CCNA1: variants seen among roughly 807,000 people sequenced by gnomAD.
CCNA1 encodes the protein cyclin-A1.
CCNA1 carries 23 observed loss-of-function variants against 54.1 expected under a neutral mutation model. That is an observed-to-expected ratio of 0.42 (90% confidence interval 0.31 to 0.60). CCNA1 has a LOEUF of 0.60. Among genes scored for constraint, CCNA1 ranks in the 20% least tolerant of loss-of-function variants. The pLI is 0.14. For missense variants in CCNA1, 450 were observed against 556.7 expected, an observed-to-expected ratio of 0.81 and a Z score of 1.93; for synonymous variants, 208 against 213.9, an observed-to-expected ratio of 0.97 and a Z score of 0.24.
intron 2 of CCNA1, among the ~76,000 whole-genome samples, chr13:36,437,064 G>A (rs1008789649): frequency 6.6e-6 from 1 of 152,202 alleles, no homozygotes; most frequent in African/African-American, 2.4e-5. Context: ...TTCCCCAAGA[G>A]TAAATGCATT....
chr13:36,435,259 A>G (rs1218428959), intron 2 of CCNA1, among the ~76,000 whole-genome samples: 1 of 152,224 alleles, frequency 6.6e-6, no homozygotes, highest in Non-Finnish European at 1.5e-5. Context: ...ATCTTGACAT[A>G]TATAATGTTG....
chr13:36,433,367 TTA>T (rs763920759), intron 2 of CCNA1, 146 bp downstream of exon 2: 5 of 356,620 alleles, frequency 1.4e-5, no homozygotes, highest in East Asian at 9.9e-5. Context: ...GTTGATTGAT[TTA>T]TTTTCTTTCT....
chr13:36,437,454 G>C (rs187919387), intron 2 of CCNA1, among the ~76,000 whole-genome samples, 175 bp from the exon 3 acceptor site: 37 of 152,184 alleles, frequency 2.4e-4, no homozygotes, highest in African/African-American at 6.5e-4. Flanking sequence ...CAAAGATAAG[G>C]GGGGAAAAAT....
Position 36,432,579 on chromosome 13 carries a change from G to A in CCNA1, c.-43G>A, listed in dbSNP as rs370767056. The A allele has an allele frequency of 5.6e-5, 74 of 1,314,822 alleles. No homozygotes were observed. The African/African-American group carries it at 1.0e-3, about 18-fold the overall frequency. 81.4% of individuals were successfully genotyped at this position (1,314,822 alleles called of 1,614,324 possible). A position where few individuals can be genotyped will look rare whatever the true frequency, so the allele number is the denominator to read the frequency against. ...AGGCAGGTTTTGGGGCCTCCTGTCT[G>A]GTGGGAGGAGGCCGCAGCGCAGCAC... On this transcript the variant is annotated 5_prime_UTR_variant, in exon 1 of 9. Coordinates refer to ENST00000255465, the MANE Select transcript of CCNA1 (RefSeq NM_003914.4).
chr13:36,432,297 C>T, upstream of CCNA1: 2 of 302,996 alleles, frequency 6.6e-6, 1 homozygote, highest in Middle Eastern at 1.9e-3. Context: ...GCAGCTCAGC[C>T]GCATCGCTAA....
intron 2 of CCNA1, among the ~76,000 whole-genome samples, chr13:36,436,317 T>C (rs2055804733): frequency 6.6e-6 from 1 of 152,216 alleles, no homozygotes; most frequent in Non-Finnish European, 1.5e-5. Context: ...ATTGGCCTCT[T>C]TTTTCTTTCT....
chr13:36,439,957 C>T, intron 5 of CCNA1, 22 bp from the exon 6 acceptor site: 1 of 1,561,160 alleles, frequency 6.4e-7, no homozygotes, highest in Non-Finnish European at 8.8e-7. Context: ...AGTTTTACTT[C>T]TGAAAACTCT....
intron 1 of CCNA1, 141 bp from the exon 2 acceptor site, chr13:36,432,892 C>A: frequency 3.0e-6 from 3 of 995,318 alleles, no homozygotes; most frequent in South Asian, 1.5e-5. Context: ...GCCCTTTCAG[C>A]CCCAATAATT....
chr13:36,435,483 G>C (rs1243760057), intron 2 of CCNA1, among the ~76,000 whole-genome samples: 2 of 152,178 alleles, frequency 1.3e-5, no homozygotes, highest in Non-Finnish European at 2.9e-5. Flanking sequence ...TATTTGACAT[G>C]GCTGATCATT....
chr13:36,440,186 G>T lies in CCNA1; in HGVS notation c.1098+3G>T, dbSNP rs1215105255. On this transcript the variant is annotated splice_donor_region_variant and intron_variant, in intron 6 of 8. Coordinates refer to ENST00000255465, the MANE Select transcript of CCNA1 (RefSeq NM_003914.4). Reference sequence around the variant, plus strand: ...TCAGGACTGAGAACCTGGCTAAGGTGTGTATGCCGCGTGATTTCTAGGAAC... The same window carrying T: ...TCAGGACTGAGAACCTGGCTAAGGTTTGTATGCCGCGTGATTTCTAGGAAC... 1 of 1,612,890 alleles carries T rather than the reference G, an allele frequency of 6.2e-7. No individual in the cohort carries two copies. Among genetic ancestry groups the T allele is most frequent in the Non-Finnish European group, 8.5e-7 (1 of 1,179,020 alleles).
chr13:36,437,641 A>G lies in CCNA1; in HGVS notation c.310A>G (p.Ile104Val), dbSNP rs756797263. The change falls in exon 3 of 9, where the codon ATC becomes GTC. Residue 104 changes from isoleucine (I) to valine (V), a missense_variant. Physicochemically the swap from Ile to Val is conservative, Grantham distance 29. Around this residue, in one of 6 missense-constraint regions of CCNA1, gnomAD observed 19 missense variants for 40.5 expected, o/e 0.47. Coordinates refer to ENST00000255465, the MANE Select transcript of CCNA1 (RefSeq NM_003914.4). ...AAACGTTTTTTAGGGGATCACAAGA[A>G]TCAGGTGTTATTCTGGATCAGAAAA... 1 of 1,614,016 alleles carries G rather than the reference A, an allele frequency of 6.2e-7. No individual in the cohort carries two copies. The highest frequency in any genetic ancestry group is 8.5e-7 in the Non-Finnish European group (1 of 1,179,954).
chr13:36,432,445 G>C (rs11839265), upstream of CCNA1: 4 of 203,346 alleles, frequency 2.0e-5, no homozygotes, highest in Non-Finnish European at 3.5e-5. Context: ...GCCCCGCCCT[G>C]CCCCGCCCAG....
Position 36,438,867 on chromosome 13 carries a change from C to T in CCNA1, c.893C>T (p.Ser298Leu), listed in dbSNP as rs145298804. ...GGAACAGCAGCTATGCTTTTGGCTT[C>T]GTAAGTGTTCTTTCAGCTTGCATAA... Residue 298 changes from serine (S) to leucine (L), a missense_variant and splice_region_variant, in exon 5 of 9, where the codon TCG (serine) becomes TTG (leucine). Physicochemically the swap from Ser to Leu is moderately radical, Grantham distance 145. Coordinates refer to ENST00000255465, the MANE Select transcript of CCNA1 (RefSeq NM_003914.4). 8.7e-6 allele frequency: 14 copies of T among 1,609,232 alleles called. No individual in the cohort carries two copies. The highest frequency in any genetic ancestry group is 1.7e-5 in the Admixed American group (1 of 60,010).
chr13:36,442,643 C>A lies in CCNA1; in HGVS notation c.1376C>A (p.Pro459His). The stretch of plus-strand genomic sequence containing the variant: ...CTGTGTGTGTCCCTCATGGAGCCAC[C>A]TGCAGTTCTTCTTCTACAATAAGTT... Residue 459 changes from proline (P) to histidine (H), a missense_variant, in exon 9 of 9, where the codon CCT becomes CAT. Coordinates refer to ENST00000255465, the MANE Select transcript of CCNA1 (RefSeq NM_003914.4). 1.2e-6 allele frequency: 2 copies of A among 1,613,948 alleles called. No homozygotes were observed. Among genetic ancestry groups the A allele is most frequent in the Non-Finnish European group, 8.5e-7 (1 of 1,179,936 alleles).
intron 6 of CCNA1, 121 bp downstream of exon 6, chr13:36,440,304 C>A: frequency 1.2e-6 from 1 of 859,916 alleles, no homozygotes; most frequent in Non-Finnish European, 1.8e-6. Flanking sequence ...CCCAGAAAAA[C>A]TGTTCCAGTG....
Position 36,433,422 on chromosome 13 carries a change from C to CG in CCNA1, c.297+201_297+202insG, listed in dbSNP as rs1566169583. Reference sequence around the variant, plus strand: ...TCTTTCTTTCTTTCTTTCTTTCTTTCTTTCTTTCTTTCTTTCTTTCGTTCT... The same window carrying CG: ...TCTTTCTTTCTTTCTTTCTTTCTTTCGTTTCTTTCTTTCTTTCTTTCGTTCT... On this transcript the variant is annotated intron_variant, in intron 2 of 8. Transcript: ENST00000255465. 3.6e-4 allele frequency among the ~76,000 whole-genome samples: 44 copies of CG among 121,980 alleles called. 3 individuals are homozygous for CG. The highest frequency in any genetic ancestry group is 1.3e-3 in the African/African-American group (43 of 33,686). The allele number at this position is 121,980 out of a possible 152,430, so 80.0% of individuals were successfully genotyped here.
At chr13:36,437,032 A>G (rs1387248784) in intron 2 of CCNA1, among the ~76,000 whole-genome samples, 1 of 152,218 alleles carries the variant, frequency 6.6e-6, no homozygotes, top group Non-Finnish European at 1.5e-5. Context: ...GAATAGAGAA[A>G]AAGGAGAAGT....
At position 36,433,438 on chromosome 13, in the gene CCNA1, C is replaced by T. The variant is rs531302353; in HGVS notation, c.297+217C>T. Among the ~76,000 whole-genome samples, 4 of 81,210 alleles carry T rather than the reference C, an allele frequency of 4.9e-5. No homozygotes were observed. The East Asian group carries it at 1.0e-3, about 21-fold the overall frequency. The allele number at this position is 81,210 out of a possible 152,430, so 53.3% of individuals were successfully genotyped here. ...TCTTTCTTTCTTTCTTTCTTTCTTT[C>T]TTTCGTTCTTTCTTTCTTTCTTTTC... On this transcript the variant is annotated intron_variant, in intron 2 of 8. Coordinates refer to ENST00000255465, the MANE Select transcript of CCNA1 (RefSeq NM_003914.4).
At chr13:36,435,641 T>A (rs1293094606) in intron 2 of CCNA1, among the ~76,000 whole-genome samples, 1 of 152,214 alleles carries the variant, frequency 6.6e-6, no homozygotes, top group Non-Finnish European at 1.5e-5. Context: ...TAGGACCTAG[T>A]CTTTGATCTA....
Sources: allele counts gnomAD v4.1 joint callset (sites outside exome capture counted in the v4.1 genomes callset), GRCh38; gene constraint gnomAD v4.1.1; regional missense constraint gnomAD v4.1.1; transcripts MANE v1.5; gene names NCBI Gene and HGNC (gene_info 2026-07-23, HGNC 2026-07-21).